PLCL1: variants seen among roughly 807,000 people sequenced by gnomAD.
PLCL1 encodes the protein phospholipase C like 1 (inactive), also known as inactive phospholipase C-like protein 1.
In PLCL1, 41 loss-of-function variants were observed where a neutral mutation model predicts 84.4. That is an observed-to-expected ratio of 0.49 (90% CI 0.38 to 0.63). The LOEUF (loss-of-function observed/expected upper bound fraction) is 0.63, where lower values mean the gene tolerates loss of function less well. Ranked by LOEUF, PLCL1 falls within the 30% of genes least tolerant of loss-of-function variation. PLCL1 has a pLI of 0.00. For synonymous variants in PLCL1, 490 were observed against 488.3 expected (o/e 1.00, Z -0.05); for missense variants, 1,206 against 1,367.8 (o/e 0.88, Z 1.87).
At chr2:198,016,962 G>C (rs1324198710) in intron 1 of PLCL1, among the ~76,000 whole-genome samples, 2 of 152,152 alleles carry the variant, frequency 1.3e-5, no homozygotes, top group African/African-American at 4.8e-5. Flanking sequence ...GAAGGGCATG[G>C]AGACTGGTGC....
intron 1 of PLCL1, among the ~76,000 whole-genome samples, chr2:198,037,306 G>C (rs1428941063): frequency 6.6e-6 from 1 of 152,108 alleles, no homozygotes; most frequent in African/African-American, 2.4e-5. Context: ...TAAAATACTG[G>C]ATAAATGTAC....
intron 1 of PLCL1, among the ~76,000 whole-genome samples, chr2:198,035,809 C>A (rs1691540916): frequency 6.6e-6 from 1 of 152,188 alleles, no homozygotes; most frequent in Admixed American, 6.5e-5. Flanking sequence ...CCAAGGCGGG[C>A]AGATCACCTG....
intron 1 of PLCL1, among the ~76,000 whole-genome samples, chr2:197,924,112 G>A (rs943192089): frequency 4.9e-5 from 7 of 143,486 alleles, no homozygotes; most frequent in Middle Eastern, 3.6e-3. Context: ...GTCCAGCTTC[G>A]GCTCCGCATG....
Position 198,124,603 on chromosome 2 carries a change from A to AT in PLCL1, c.3105+20673dup, listed in dbSNP as rs531018557. On this transcript the variant is annotated intron_variant, in intron 5 of 5. Transcript: ENST00000428675. Reference sequence around the variant, plus strand: ...GTAGGAATTCAGTGGCACTCAATTAATTTTTTCATTCAAAAAACACAAACA... The same window carrying AT: ...GTAGGAATTCAGTGGCACTCAATTAATTTTTTTCATTCAAAAAACACAAACA... Among the ~76,000 whole-genome samples the AT allele has an allele frequency of 6.3e-4, 96 of 152,126 alleles. 1 individual carries two copies. The highest frequency in any genetic ancestry group is 2.2e-3 in the African/African-American group (92 of 41,520).
At chr2:198,114,277 G>A (rs993753549) in intron 5 of PLCL1, among the ~76,000 whole-genome samples, 10 of 151,780 alleles carry the variant, frequency 6.6e-5, no homozygotes, top group East Asian at 1.9e-4. Flanking sequence ...GATAAAAGCC[G>A]GGCTGTTGAC....
chr2:198,075,521 T>C lies in PLCL1; in HGVS notation c.241-8237T>C, dbSNP rs567102811. 9.2e-5 allele frequency among the ~76,000 whole-genome samples: 14 copies of C among 152,302 alleles called. No individual in the cohort carries two copies. In the South Asian group the frequency reaches 2.9e-3, roughly 32 times the overall value. On this transcript the variant is annotated intron_variant, in intron 1 of 5. Transcript: ENST00000428675. Reference sequence around the variant, plus strand: ...GAGAAATGGAAGTTCACGTATCTCATAACTGCGTACGAAGCAGTGGACTGG... The same window carrying C: ...GAGAAATGGAAGTTCACGTATCTCACAACTGCGTACGAAGCAGTGGACTGG...
intron 1 of PLCL1, among the ~76,000 whole-genome samples, chr2:198,061,295 A>T (rs757451168): frequency 1.2e-4 from 19 of 152,202 alleles, no homozygotes; most frequent in Non-Finnish European, 2.2e-4. Context: ...ATACATTTAT[A>T]TCTTACCGAT....
intron 5 of PLCL1, among the ~76,000 whole-genome samples, chr2:198,121,384 T>G (rs1054569153): frequency 1.3e-5 from 2 of 152,100 alleles, no homozygotes; most frequent in Non-Finnish European, 2.9e-5. Context: ...TAAGACACAT[T>G]TCCCCAGACA....
At chr2:197,858,975 TCACATGGCATAG>T (rs1280391350) in intron 1 of PLCL1, among the ~76,000 whole-genome samples, 9 of 152,050 alleles carry the variant, frequency 5.9e-5, no homozygotes, top group Admixed American at 2.0e-4. Flanking sequence ...TCAGAGCTGC[TCACATGGCATAG>T]CCTTTAAAGA....
At chr2:198,069,787 C>G (rs1363831937) in intron 1 of PLCL1, among the ~76,000 whole-genome samples, 1 of 151,990 alleles carries the variant, frequency 6.6e-6, no homozygotes, top group Non-Finnish European at 1.5e-5. Context: ...GTTGAATGTC[C>G]TGAGATTTCA....
chr2:197,949,866 C>T (rs947096296), intron 1 of PLCL1, among the ~76,000 whole-genome samples: 5 of 152,028 alleles, frequency 3.3e-5, no homozygotes, highest in African/African-American at 7.2e-5. Flanking sequence ...GCATTGTGTG[C>T]GTGGGATTTA....
chr2:198,140,612 T>G (rs1164690355), intron 5 of PLCL1, among the ~76,000 whole-genome samples: 1 of 152,138 alleles, frequency 6.6e-6, no homozygotes, highest in Admixed American at 6.6e-5. Flanking sequence ...TCTTTCAAAT[T>G]TCTTTCAAAT....
At chr2:197,843,802 T>A (rs145786188) in intron 1 of PLCL1, among the ~76,000 whole-genome samples, 148 of 152,320 alleles carry the variant, frequency 9.7e-4, no homozygotes, top group African/African-American at 3.3e-3. Context: ...AGAAACTTAC[T>A]CTTATTGCAA....
intron 1 of PLCL1, among the ~76,000 whole-genome samples, chr2:198,024,377 T>A (rs1392868407): frequency 6.6e-6 from 1 of 151,846 alleles, no homozygotes; most frequent in East Asian, 1.9e-4. Context: ...GCACATTGTA[T>A]CTCAGAACCT....
At chr2:197,922,903 G>C (rs1688739110) in intron 1 of PLCL1, among the ~76,000 whole-genome samples, 1 of 139,794 alleles carries the variant, frequency 7.2e-6, no homozygotes, top group Non-Finnish European at 1.6e-5. Flanking sequence ...CGGGCGGGGG[G>C]CTGACCCCCC....
At chr2:197,890,812 TGTG>T in intron 1 of PLCL1, among the ~76,000 whole-genome samples, 1 of 31,986 alleles carries the variant, frequency 3.1e-5, no homozygotes, top group Non-Finnish European at 6.1e-5. Flanking sequence ...TTGCTATATA[TGTG>T]TATATATACA....
intron 1 of PLCL1, among the ~76,000 whole-genome samples, chr2:197,913,387 A>T (rs2105748122): frequency 6.6e-6 from 1 of 152,360 alleles, no homozygotes; most frequent in East Asian, 1.9e-4. Flanking sequence ...ATAAAATGCA[A>T]GTAAAATAAT....
At chr2:198,131,410 A>T (rs1694115513) in intron 5 of PLCL1, among the ~76,000 whole-genome samples, 1 of 152,108 alleles carries the variant, frequency 6.6e-6, no homozygotes, top group Non-Finnish European at 1.5e-5. Flanking sequence ...ATCTTTCACG[A>T]GACAGTCTCT....
intron 1 of PLCL1, among the ~76,000 whole-genome samples, chr2:197,823,141 T>C (rs1022514301): frequency 6.6e-6 from 1 of 152,140 alleles, no homozygotes; most frequent in African/African-American, 2.4e-5. Flanking sequence ...CCTCCCATCT[T>C]GGCCTCCCAA....
Sources: gnomAD v4.1 joint callset for allele counts (sites outside exome capture counted in the v4.1 genomes callset) on GRCh38, gnomAD v4.1.1 for gene constraint, MANE v1.5 for transcripts, NCBI Gene and HGNC (gene_info 2026-07-23, HGNC 2026-07-21) for gene names.